PLCB4: variants seen among roughly 807,000 people sequenced by gnomAD.
PLCB4 encodes the protein phospholipase C beta 4.
Under a neutral mutation model 178.8 loss-of-function variants are expected in PLCB4, and 77 were observed. That is an observed-to-expected ratio of 0.43 (90% CI 0.36 to 0.52). The LOEUF is 0.52. Ranked by LOEUF, PLCB4 falls within the 20% of genes least tolerant of loss-of-function variation. The probability of loss-of-function intolerance (pLI) is 0.00; values close to 1 mark genes in which losing one functional copy is unlikely to be tolerated. For missense variants in PLCB4, 1,024 were observed against 1,453.4 expected (o/e 0.70, Z 4.80); for synonymous variants, 496 against 490.8 (o/e 1.01, Z -0.14).
chr20:9,443,733 A>G (rs2042243056), intron 30 of PLCB4, among the ~76,000 whole-genome samples: 1 of 152,030 alleles, frequency 6.6e-6, no homozygotes, highest in Non-Finnish European at 1.5e-5. Flanking sequence ...TCTGCCCTCA[A>G]TCAATCACTT....
At chr20:9,129,309 T>A (rs1248558487) in intron 2 of PLCB4, among the ~76,000 whole-genome samples, 1 of 152,118 alleles carries the variant, frequency 6.6e-6, no homozygotes, top group Non-Finnish European at 1.5e-5. Context: ...AATTGGTGTA[T>A]AACTATACCA....
At chr20:9,089,729 C>T (rs2146562009) in intron 1 of PLCB4, among the ~76,000 whole-genome samples, 1 of 152,190 alleles carries the variant, frequency 6.6e-6, no homozygotes, top group East Asian at 1.9e-4. Context: ...TATTTGGAGC[C>T]TTTGTCAGCT....
At chr20:9,125,497 T>C (rs1441619013) in intron 2 of PLCB4, among the ~76,000 whole-genome samples, 1 of 152,198 alleles carries the variant, frequency 6.6e-6, no homozygotes, top group Non-Finnish European at 1.5e-5. Flanking sequence ...TTTTCCAATG[T>C]ATAACTTGGC....
intron 12 of PLCB4, among the ~76,000 whole-genome samples, chr20:9,375,848 C>G (rs578224133): frequency 6.6e-6 from 1 of 152,074 alleles, no homozygotes; most frequent in African/African-American, 2.4e-5. Context: ...CCTGGAGACA[C>G]ACATACACTG....
chr20:9,392,320 A>G (rs575776231), intron 17 of PLCB4, among the ~76,000 whole-genome samples: 3 of 152,232 alleles, frequency 2.0e-5, no homozygotes, highest in African/African-American at 4.8e-5. Flanking sequence ...GAGGGGCTCA[A>G]GAGCCCTGTT....
intron 1 of PLCB4, among the ~76,000 whole-genome samples, chr20:9,083,362 C>T (rs2090249084): frequency 8.1e-6 from 1 of 123,292 alleles, no homozygotes; most frequent in East Asian, 2.1e-4. Context: ...TCTTTCTCTA[C>T]ACACACACAC....
At chr20:9,176,423 T>G (rs565569772) in intron 2 of PLCB4, among the ~76,000 whole-genome samples, 4 of 152,176 alleles carry the variant, frequency 2.6e-5, no homozygotes, top group Non-Finnish European at 5.9e-5. Flanking sequence ...CCAAATTGGT[T>G]TATAAAATGG....
At position 9,401,544 on chromosome 20, in the gene PLCB4, C is replaced by T; in HGVS notation, c.1565C>T (p.Ala522Val). Residue 522 changes from alanine (A) to valine (V), a missense_variant, in exon 20 of 40, where the codon GCT becomes GTT. Transcript: ENST00000378473. Reference protein sequence around the residue: ...PEFKFGNELSADDLGHKEAVA... With the variant: ...PEFKFGNELSVDDLGHKEAVA... ...TTCAAATTTGGAAATGAACTTTCTG[C>T]TGATGACTTGGGTCACAAGGAAGCT... 1 of 1,613,808 alleles carries T rather than the reference C, an allele frequency of 6.2e-7. No individual in the cohort carries two copies. Among genetic ancestry groups the T allele is most frequent in the East Asian group, 2.2e-5 (1 of 44,872 alleles).
chr20:9,439,827 G>C (rs1033103908), intron 30 of PLCB4, among the ~76,000 whole-genome samples: 4 of 152,228 alleles, frequency 2.6e-5, no homozygotes, highest in Admixed American at 2.6e-4. Context: ...AAAGTTTGAA[G>C]ACCATTAAGT....
At chr20:9,196,324 C>A (rs1219306901) in intron 2 of PLCB4, among the ~76,000 whole-genome samples, 1 of 152,160 alleles carries the variant, frequency 6.6e-6, no homozygotes, top group East Asian at 1.9e-4. Context: ...GGGGTGACCT[C>A]TAATTTGCAA....
chr20:9,104,067 G>A (rs769269047), intron 2 of PLCB4, among the ~76,000 whole-genome samples: 1 of 152,064 alleles, frequency 6.6e-6, no homozygotes, highest in Admixed American at 6.6e-5. Flanking sequence ...TTAGGGCAGG[G>A]TTTAGCAGAG....
At chr20:9,128,952 C>G (rs2146800840) in intron 2 of PLCB4, among the ~76,000 whole-genome samples, 1 of 152,196 alleles carries the variant, frequency 6.6e-6, no homozygotes, top group Admixed American at 6.5e-5. Flanking sequence ...GCTTATTTCA[C>G]TTAGAATGAT....
chr20:9,144,752 AAGGAGGGG>A lies in PLCB4; in HGVS notation c.-79+48412_-79+48419del, dbSNP rs1302910699. Among the ~76,000 whole-genome samples, 14 of 81,616 alleles carry A rather than the reference AAGGAGGGG, an allele frequency of 1.7e-4. No homozygotes were observed. The East Asian group carries it at 6.3e-3, about 37-fold the overall frequency. The allele number at this position is 81,616 out of a possible 152,430, so 53.5% of individuals were successfully genotyped here. ...GGAGGGGAAGGAGGGGAAGGAGGGGAAGGAGGGGAAGGAGGGGAATGAGGGGGAGGAGG... is the reference window on the plus strand; with the variant it reads ...GGAGGGGAAGGAGGGGAAGGAGGGGAAAGGAGGGGAATGAGGGGGAGGAGG... On this transcript the variant is annotated intron_variant, in intron 2 of 39. Transcript: ENST00000378473.
chr20:9,321,641 G>GT (rs1242918400), intron 4 of PLCB4, among the ~76,000 whole-genome samples: 2 of 151,598 alleles, frequency 1.3e-5, no homozygotes, highest in African/African-American at 4.8e-5. Context: ...TTTGTTTTTT[G>GT]TTTTTTTGAG....
chr20:9,308,774 A>G (rs1332802345), intron 4 of PLCB4, among the ~76,000 whole-genome samples: 2 of 152,218 alleles, frequency 1.3e-5, no homozygotes, highest in African/African-American at 4.8e-5. Flanking sequence ...CTCTAGATTT[A>G]CAGGATAGTC....
chr20:9,256,110 G>C (rs192511199), intron 3 of PLCB4, among the ~76,000 whole-genome samples: 36 of 152,172 alleles, frequency 2.4e-4, no homozygotes, highest in Admixed American at 2.0e-3. Context: ...ATGTCTGGAG[G>C]GGCAACTAAG....
chr20:9,131,350 G>A (rs997280685), intron 2 of PLCB4, among the ~76,000 whole-genome samples: 8 of 151,852 alleles, frequency 5.3e-5, no homozygotes, highest in African/African-American at 1.7e-4. Context: ...TTAAGCTAAA[G>A]CTAGAGTCAG....
intron 3 of PLCB4, among the ~76,000 whole-genome samples, chr20:9,271,362 A>G (rs1224306811): frequency 1.3e-5 from 2 of 152,282 alleles, no homozygotes; most frequent in East Asian, 1.9e-4. Flanking sequence ...TCAGGTAGGT[A>G]GTAGTGTTAC....
chr20:9,367,396 A>T (rs73246655), intron 9 of PLCB4, among the ~76,000 whole-genome samples: 8,945 of 152,232 alleles, frequency 0.059, 882 homozygotes, highest in African/African-American at 0.2. Flanking sequence ...GTCAACTTTT[A>T]GTCTGCTTTA....
Sources: allele counts gnomAD v4.1 joint callset (sites outside exome capture counted in the v4.1 genomes callset), GRCh38; gene constraint gnomAD v4.1.1; transcripts MANE v1.5; gene names NCBI Gene and HGNC (gene_info 2026-07-23, HGNC 2026-07-21).